CELF1: variants seen among roughly 807,000 people sequenced by gnomAD.
CELF1 encodes CUGBP Elav-like family member 1.
CELF1 carries 10 observed loss-of-function variants against 61.8 expected under a neutral mutation model. The observed-to-expected ratio is 0.16, with a 90% confidence interval of 0.10 to 0.27. The LOEUF (loss-of-function observed/expected upper bound fraction) is 0.27. Among genes scored for constraint, CELF1 ranks in the 10% least tolerant of loss-of-function variants. The probability of loss-of-function intolerance (pLI) is 1.00; values close to 1 mark genes in which losing one functional copy is unlikely to be tolerated. For synonymous variants in CELF1, 236 were observed against 225.1 expected (o/e 1.05, Z -0.43); for missense variants, 380 against 639.1 (o/e 0.59, Z 4.37).
chr11:47,487,066 C>A (rs919747807), intron 5 of CELF1, 93 bp downstream of exon 5: 13 of 1,028,386 alleles, frequency 1.3e-5, no homozygotes, highest in Non-Finnish European at 1.8e-5. Context: ...TACCTTTTCC[C>A]CAAAATGGTT....
chr11:47,504,593 A>G (rs1366895123), intron 1 of CELF1, among the ~76,000 whole-genome samples: 1 of 150,178 alleles, frequency 6.7e-6, no homozygotes, highest in African/African-American at 2.5e-5. Flanking sequence ...AACAAAATAA[A>G]TAAAACATAA....
chr11:47,489,935 G>GTTGTTTTTT (rs1555170252), intron 3 of CELF1, among the ~76,000 whole-genome samples: 11 of 48,240 alleles, frequency 2.3e-4, no homozygotes, highest in African/African-American at 7.0e-4. Flanking sequence ...ATACCATCTT[G>GTTGTTTTTT]TTTTTTTTTT....
intron 1 of CELF1, among the ~76,000 whole-genome samples, chr11:47,549,728 A>C (rs1483169739): frequency 6.6e-6 from 1 of 152,086 alleles, no homozygotes; most frequent in African/African-American, 2.4e-5. Flanking sequence ...AAGATGAAAA[A>C]CTCACAGATC....
chr11:47,563,237 A>G (rs2097232309), intron 2 of CELF1, among the ~76,000 whole-genome samples: 1 of 151,986 alleles, frequency 6.6e-6, no homozygotes, highest in African/African-American at 2.4e-5. Flanking sequence ...AAAAAAGAAA[A>G]GTAAAAAGAA....
rs2153327023 is a variant in CELF1 at position 47,467,388 on chromosome 11, T to G, written c.*4842A>C. On this transcript the variant is annotated 3_prime_UTR_variant, in exon 15 of 15. Transcript: ENST00000687097. Reference sequence around the variant, plus strand: ...GCTTGGCACCCAGGGACAGTAGCTGTTTGGCTCTCCACCCAATTAAAAAAA... The same window carrying G: ...GCTTGGCACCCAGGGACAGTAGCTGGTTGGCTCTCCACCCAATTAAAAAAA... 1 of 151,988 alleles carries G rather than the reference T, an allele frequency of 6.6e-6. No homozygotes were observed. The highest frequency in any genetic ancestry group is 1.5e-5 in the Non-Finnish European group (1 of 68,022). The allele number at this position is 151,988 out of a possible 1,614,324, so 9.4% of individuals were successfully genotyped here. A position where few individuals can be genotyped will look rare whatever the true frequency, so the allele number is the denominator to read the frequency against.
At chr11:47,551,486 G>C (rs1311044868) in intron 1 of CELF1, among the ~76,000 whole-genome samples, 2 of 152,192 alleles carry the variant, frequency 1.3e-5, no homozygotes, top group African/African-American at 4.8e-5. Context: ...AATCACTGTA[G>C]CAACAGTTTG....
Position 47,475,493 on chromosome 11 carries a change from G to C in CELF1, c.1116C>G (p.Gly372=). Residue 372 remains glycine (G), a synonymous_variant, in exon 13 of 15, where the codon GGC becomes GGG. Coordinates refer to ENST00000687097, the MANE Select transcript of CELF1 (RefSeq NM_001376376.1). ...CGGTGCCATTGGAAAGGCCACTGCTGCCCAGGCCACCATTTAAAGCAGCCA... is the reference window on the plus strand; with the variant it reads ...CGGTGCCATTGGAAAGGCCACTGCTCCCCAGGCCACCATTTAAAGCAGCCA... The part of the protein sequence containing the change: ...AGMAALNGGL[G]SSGLSNGTGS... The C allele has an allele frequency of 6.2e-7, 1 of 1,613,976 alleles. No homozygotes were observed. Among genetic ancestry groups the C allele is most frequent in the Non-Finnish European group, 8.5e-7 (1 of 1,180,022 alleles).
intron 1 of CELF1, among the ~76,000 whole-genome samples, chr11:47,549,820 G>GTT (rs143103415): frequency 6.8e-4 from 98 of 145,118 alleles, no homozygotes; most frequent in Admixed American, 9.7e-4. Context: ...GGTTTTTTTT[G>GTT]TTTTTTTTTT....
At chr11:47,536,014 A>C (rs2096620709) in intron 1 of CELF1, among the ~76,000 whole-genome samples, 2 of 152,050 alleles carry the variant, frequency 1.3e-5, no homozygotes, top group Admixed American at 6.5e-5. Flanking sequence ...CGCCCGCCTC[A>C]GCCTCCCAAG....
chr11:47,564,980 C>A, intron 1 of CELF1, among the ~76,000 whole-genome samples: 1 of 152,040 alleles, frequency 6.6e-6, no homozygotes, highest in East Asian at 1.9e-4. Context: ...GGAGCCCTGC[C>A]CTAGGACAGG....
chr11:47,525,979 CTG>C (rs1310538315), intron 1 of CELF1, among the ~76,000 whole-genome samples: 1 of 151,644 alleles, frequency 6.6e-6, no homozygotes, highest in Admixed American at 6.6e-5. Flanking sequence ...AGAAGAGAGA[CTG>C]AGAACAGACA....
chr11:47,504,673 GAGCA>G, intron 1 of CELF1, among the ~76,000 whole-genome samples: 1 of 151,390 alleles, frequency 6.6e-6, no homozygotes, highest in Non-Finnish European at 1.5e-5. Flanking sequence ...AGGCCGAGGT[GAGCA>G]GATCACCTAA....
intron 1 of CELF1, among the ~76,000 whole-genome samples, chr11:47,538,930 T>A (rs2096706145): frequency 6.6e-6 from 1 of 152,142 alleles, no homozygotes; most frequent in Non-Finnish European, 1.5e-5. Context: ...AGAGACTCCA[T>A]CAACTGGGCA....
intron 1 of CELF1, among the ~76,000 whole-genome samples, chr11:47,540,942 C>G (rs780342006): frequency 1.1e-4 from 16 of 152,080 alleles, no homozygotes; most frequent in Non-Finnish European, 2.2e-4. Context: ...GTAAATGGCA[C>G]AGGTGTTTCT....
chr11:47,539,535 GT>G (rs1279027695), intron 1 of CELF1, among the ~76,000 whole-genome samples: 1 of 152,182 alleles, frequency 6.6e-6, no homozygotes, highest in African/African-American at 2.4e-5. Flanking sequence ...GCACACACCT[GT>G]AATCCCAGCT....
intron 1 of CELF1, among the ~76,000 whole-genome samples, chr11:47,546,685 C>T (rs569850572): frequency 1.3e-5 from 2 of 152,220 alleles, no homozygotes; most frequent in South Asian, 2.1e-4. Context: ...CCTAAGAAAG[C>T]CATTCATATA....
At chr11:47,564,786 G>A (rs778906424) in intron 1 of CELF1, among the ~76,000 whole-genome samples, 12 of 152,150 alleles carry the variant, frequency 7.9e-5, no homozygotes, top group African/African-American at 2.4e-5. Flanking sequence ...GTGAGACTCC[G>A]TCTCAAAACA....
intron 1 of CELF1, among the ~76,000 whole-genome samples, chr11:47,501,470 C>A (rs558748745): frequency 6.6e-6 from 1 of 152,274 alleles, no homozygotes; most frequent in Admixed American, 6.5e-5. Flanking sequence ...CAAATTAGAT[C>A]TTTTAGTGCA....
chr11:47,529,073 TTTAC>T (rs76067214), intron 1 of CELF1, among the ~76,000 whole-genome samples: 1 of 151,230 alleles, frequency 6.6e-6, no homozygotes, highest in Non-Finnish European at 1.5e-5. Flanking sequence ...CCCAGTTTAT[TTTAC>T]TTTTTTTTTT....
Sources: allele counts gnomAD v4.1 joint callset (sites outside exome capture counted in the v4.1 genomes callset), GRCh38; gene constraint gnomAD v4.1.1; transcripts MANE v1.5; gene names NCBI Gene and HGNC (gene_info 2026-07-23, HGNC 2026-07-21).